MEF2A: variants seen among roughly 807,000 people sequenced by gnomAD.
MEF2A encodes myocyte-specific enhancer factor 2A.
A neutral mutation model predicts 55.8 loss-of-function variants in MEF2A; 28 were observed. The ratio of observed to expected loss-of-function variants is 0.50; its 90% CI spans 0.37 to 0.69. The LOEUF (loss-of-function observed/expected upper bound fraction) is 0.69, where lower values mean the gene tolerates loss of function less well. MEF2A is among the 30% of genes least tolerant of loss of function. The pLI is 0.00. For missense variants in MEF2A, 528 were observed against 626.2 expected (o/e 0.84, Z 1.67); for synonymous variants, 239 against 227.1 (o/e 1.05, Z -0.47).
chr15:99,627,369 G>A (rs1211731796), intron 2 of MEF2A, among the ~76,000 whole-genome samples: 6 of 125,502 alleles, frequency 4.8e-5, no homozygotes, highest in Admixed American at 2.0e-4. Flanking sequence ...TCAGTGAGCC[G>A]AGATCACGCC....
intron 1 of MEF2A, among the ~76,000 whole-genome samples, chr15:99,572,244 C>T (rs1962644401): frequency 6.6e-6 from 1 of 152,144 alleles, no homozygotes; most frequent in Non-Finnish European, 1.5e-5. Context: ...TTCTTAAACC[C>T]TCTGCACCCT....
intron 8 of MEF2A, among the ~76,000 whole-genome samples, chr15:99,697,903 T>C (rs1205692784): frequency 1.3e-5 from 2 of 152,138 alleles, no homozygotes; most frequent in Non-Finnish European, 2.9e-5. Flanking sequence ...ACAAAACGGC[T>C]CAGAAAATTT....
At chr15:99,592,527 G>T (rs1017280068) in intron 1 of MEF2A, among the ~76,000 whole-genome samples, 1 of 152,126 alleles carries the variant, frequency 6.6e-6, no homozygotes, top group Non-Finnish European at 1.5e-5. Flanking sequence ...ACTTAGACTG[G>T]ATAATTTATA....
At chr15:99,627,676 G>A (rs1460831382) in intron 2 of MEF2A, among the ~76,000 whole-genome samples, 2 of 152,198 alleles carry the variant, frequency 1.3e-5, no homozygotes, top group African/African-American at 4.8e-5. Context: ...TAAAGGGAAT[G>A]TGCATCTCTG....
At chr15:99,583,550 A>T (rs1266803707) in intron 1 of MEF2A, among the ~76,000 whole-genome samples, 1 of 152,072 alleles carries the variant, frequency 6.6e-6, no homozygotes, top group African/African-American at 2.4e-5. Flanking sequence ...TGTAAAAGTG[A>T]TGGATTCCAG....
At chr15:99,690,576 G>T (rs1019367891) in intron 8 of MEF2A, 148 bp downstream of exon 8, 3 of 800,928 alleles carry the variant, frequency 3.7e-6, no homozygotes, top group Non-Finnish European at 6.3e-6. Context: ...TATTTGAAGA[G>T]ACAAGTCTAT....
intron 8 of MEF2A, among the ~76,000 whole-genome samples, chr15:99,699,784 A>G (rs1416505998): frequency 2.0e-5 from 3 of 152,154 alleles, no homozygotes; most frequent in African/African-American, 7.2e-5. Context: ...AGGGTTGAAC[A>G]TATAAATAAA....
At chr15:99,661,574 A>G (rs542346387) in intron 4 of MEF2A, among the ~76,000 whole-genome samples, 2 of 152,280 alleles carry the variant, frequency 1.3e-5, no homozygotes, top group East Asian at 3.9e-4. Context: ...AAAACTTAGC[A>G]AAGTACTTGA....
At chr15:99,602,659 T>A (rs1192136634) in intron 2 of MEF2A, among the ~76,000 whole-genome samples, 2 of 98,424 alleles carry the variant, frequency 2.0e-5, no homozygotes, top group Admixed American at 2.2e-4. Flanking sequence ...CTGGGGTGTG[T>A]GTGTGTGTGT....
intron 1 of MEF2A, among the ~76,000 whole-genome samples, chr15:99,581,097 A>G (rs1404124187): frequency 3.3e-5 from 5 of 152,040 alleles, no homozygotes; most frequent in Admixed American, 2.6e-4. Flanking sequence ...GTTTTCCTCT[A>G]TAAATTAGTT....
At chr15:99,600,851 G>A (rs577063720) in intron 2 of MEF2A, among the ~76,000 whole-genome samples, 3 of 152,024 alleles carry the variant, frequency 2.0e-5, no homozygotes, top group Non-Finnish European at 4.4e-5. Flanking sequence ...TTGTTCTTCT[G>A]TTTCAAAGTT....
intron 7 of MEF2A, among the ~76,000 whole-genome samples, chr15:99,687,992 G>T (rs1274661500): frequency 6.6e-6 from 1 of 152,144 alleles, no homozygotes; most frequent in Non-Finnish European, 1.5e-5. Context: ...CCTCCCCAGA[G>T]AACTTAAGAG....
At chr15:99,620,132 A>T (rs2040887138) in intron 2 of MEF2A, among the ~76,000 whole-genome samples, 1 of 152,284 alleles carries the variant, frequency 6.6e-6, no homozygotes, top group African/African-American at 2.4e-5. Context: ...TATTATTTTA[A>T]ATAACTTGAG....
Position 99,608,529 on chromosome 15 carries a change from C to T in MEF2A, c.-143+10018C>T, listed in dbSNP as rs1434444652. Among the ~76,000 whole-genome samples, 8 of 152,270 alleles carry T rather than the reference C, an allele frequency of 5.3e-5. No homozygotes were observed. In the South Asian group the frequency reaches 1.7e-3, roughly 32 times the overall value. ...TGTTTTAGATTTTTAGATGATTTCT[C>T]CCCTCCTCCCATCCTGTTTTTGTTT... On this transcript the variant is annotated intron_variant, in intron 2 of 11. Coordinates refer to ENST00000557942, the MANE Select transcript of MEF2A (RefSeq NM_001319206.4).
At chr15:99,605,685 A>G (rs914685459) in intron 2 of MEF2A, among the ~76,000 whole-genome samples, 75 of 150,530 alleles carry the variant, frequency 5.0e-4, no homozygotes, top group South Asian at 1.7e-3. Context: ...AAAAAAAAAA[A>G]GGGGCTGGGT....
intron 2 of MEF2A, among the ~76,000 whole-genome samples, chr15:99,611,942 AT>A (rs1186504928): frequency 1.3e-5 from 2 of 152,228 alleles, no homozygotes; most frequent in Non-Finnish European, 2.9e-5. Context: ...GTATAATTGT[AT>A]ATTTCCAGAA....
intron 2 of MEF2A, among the ~76,000 whole-genome samples, chr15:99,606,310 A>C (rs1336118806): frequency 6.6e-6 from 1 of 152,184 alleles, no homozygotes; most frequent in Non-Finnish European, 1.5e-5. Context: ...AATATAGATG[A>C]ACAGGTTCAT....
intron 7 of MEF2A, among the ~76,000 whole-genome samples, chr15:99,688,477 G>T (rs2054728691): frequency 6.6e-6 from 1 of 152,136 alleles, no homozygotes; most frequent in South Asian, 2.1e-4. Flanking sequence ...TAAAATGCTG[G>T]CCGGACACGT....
rs1440344439 is a variant in MEF2A, at chr15:99,716,382, A to G, written c.*3611A>G. On this transcript the variant is annotated 3_prime_UTR_variant, in exon 12 of 12. Coordinates refer to ENST00000557942, the MANE Select transcript of MEF2A (RefSeq NM_001319206.4). ...GTTGTTTTTCTTCATTATACAATAA[A>G]TATAATAGTGAACTTTTTATCAAAT... 1 of 393,720 alleles carries G rather than the reference A, an allele frequency of 2.5e-6. No homozygotes were observed. The highest frequency in any genetic ancestry group is 7.4e-5 in the East Asian group (1 of 13,546). The allele number at this position is 393,720 out of a possible 1,614,324, so 24.4% of individuals were successfully genotyped here. A position where few individuals can be genotyped will look rare whatever the true frequency, so the allele number is the denominator to read the frequency against.
Sources: allele counts gnomAD v4.1 joint callset (sites outside exome capture counted in the v4.1 genomes callset), GRCh38; gene constraint gnomAD v4.1.1; transcripts MANE v1.5; gene names NCBI Gene and HGNC (gene_info 2026-07-23, HGNC 2026-07-21).